Variants in TNPO1 observed in about 807,000 individuals in gnomAD.
TNPO1 encodes transportin 1.
Under a neutral mutation model 119.5 loss-of-function variants are expected in TNPO1, and 8 were observed. The ratio of observed to expected loss-of-function variants is 0.07; its 90% CI spans 0.04 to 0.12. The LOEUF is 0.12. Ranked by LOEUF, TNPO1 falls within the 10% of genes least tolerant of loss-of-function variation. TNPO1 has a pLI of 1.00. For synonymous variants in TNPO1, 362 were observed against 363.0 expected, an observed-to-expected ratio of 1.00 and a Z score of 0.03; for missense variants, 576 against 1,089.8, an observed-to-expected ratio of 0.53 and a Z score of 6.64.
intron 2 of TNPO1, among the ~76,000 whole-genome samples, chr5:72,848,808 G>T (rs1295607407): frequency 6.7e-6 from 1 of 149,298 alleles, no homozygotes; most frequent in Non-Finnish European, 1.5e-5. Flanking sequence ...GCGCGGGCCG[G>T]GCCGCCACGT....
At chr5:72,868,453 AAAAAAAC>A (rs1283487995) in intron 6 of TNPO1, among the ~76,000 whole-genome samples, 3 of 145,522 alleles carry the variant, frequency 2.1e-5, no homozygotes, top group African/African-American at 7.6e-5. Context: ...AAAAAAAAAA[AAAAAAAC>A]ACAAAATAAT....
chr5:72,855,629 T>C (rs1351289999), intron 3 of TNPO1, 145 bp from the exon 4 acceptor site: 4 of 678,630 alleles, frequency 5.9e-6, no homozygotes, highest in East Asian at 2.8e-5. Flanking sequence ...AGCTAATCTT[T>C]TGTTAATCAG....
chr5:72,853,640 TTTC>T (rs1242830628), intron 3 of TNPO1, among the ~76,000 whole-genome samples: 1 of 142,286 alleles, frequency 7.0e-6, no homozygotes, highest in Non-Finnish European at 1.5e-5. Flanking sequence ...ACACTTGATA[TTTC>T]TTCTTGTGTT....
At chr5:72,895,979 A>C (rs1280250816) in intron 18 of TNPO1, among the ~76,000 whole-genome samples, 4 of 152,166 alleles carry the variant, frequency 2.6e-5, no homozygotes, top group Non-Finnish European at 5.9e-5. Flanking sequence ...CTTATTTTGC[A>C]CATTTCCTGC....
rs371851086 is a variant in TNPO1, at chr5:72,888,515, CA to C, written c.1529+213del. Among the ~76,000 whole-genome samples the C allele has an allele frequency of 3.3e-4, 51 of 152,246 alleles. No homozygotes were observed. The East Asian group carries it at 9.3e-3, about 28-fold the overall frequency. Reference sequence around the variant, plus strand: ...GGTTTGCATATTAGCGTATTTTATACATTTTGTTTGGCCAGGAGAATTTTGT... The same window carrying C: ...GGTTTGCATATTAGCGTATTTTATACTTTTGTTTGGCCAGGAGAATTTTGT... On this transcript the variant is annotated intron_variant, in intron 13 of 24. Transcript: ENST00000337273.
intron 1 of TNPO1, among the ~76,000 whole-genome samples, chr5:72,840,434 C>A (rs1051149415): frequency 1.3e-5 from 2 of 152,090 alleles, no homozygotes; most frequent in African/African-American, 4.8e-5. Flanking sequence ...TTAATGATAA[C>A]AGGGTTGCTG....
chr5:72,841,568 T>C (rs1744916968), intron 1 of TNPO1, among the ~76,000 whole-genome samples: 1 of 151,788 alleles, frequency 6.6e-6, no homozygotes, highest in Admixed American at 6.6e-5. Flanking sequence ...CTCGAACTCA[T>C]GACCTTGTGA....
chr5:72,891,230 G>A (rs1414020462), intron 14 of TNPO1, among the ~76,000 whole-genome samples: 4 of 151,988 alleles, frequency 2.6e-5, no homozygotes, highest in Non-Finnish European at 5.9e-5. Flanking sequence ...ACTTTGGGAG[G>A]CTGAGGTGGG....
chr5:72,861,069 G>T (rs1053336741), intron 4 of TNPO1, among the ~76,000 whole-genome samples: 1 of 151,882 alleles, frequency 6.6e-6, no homozygotes, highest in African/African-American at 2.4e-5. Context: ...TGCACCACAT[G>T]CCCGGCTAGT....
At chr5:72,898,469 G>A (rs747726013) in intron 20 of TNPO1, among the ~76,000 whole-genome samples, 3 of 151,854 alleles carry the variant, frequency 2.0e-5, no homozygotes, top group Non-Finnish European at 4.4e-5. Context: ...AACACACTTG[G>A]GATTCATTAG....
intron 20 of TNPO1, among the ~76,000 whole-genome samples, chr5:72,899,298 C>G (rs1268944405): frequency 6.6e-6 from 1 of 151,964 alleles, no homozygotes; most frequent in Non-Finnish European, 1.5e-5. Context: ...GGACTGTTAC[C>G]TGAGTTATCA....
chr5:72,845,074 C>CTTTTTTTTTTTTTTTTTTTT (rs111512326), intron 1 of TNPO1, among the ~76,000 whole-genome samples: 1 of 142,540 alleles, frequency 7.0e-6, no homozygotes, highest in Non-Finnish European at 1.5e-5. Flanking sequence ...GTTGAAATGC[C>CTTTTTTTTTTTTTTTTTTTT]TTTTTTTTTT....
chr5:72,875,848 C>T (rs1747725593), intron 8 of TNPO1, 111 bp downstream of exon 8: 4 of 1,253,492 alleles, frequency 3.2e-6, no homozygotes, highest in Non-Finnish European at 4.3e-6. Context: ...TTATAATTGT[C>T]TTAAAATTAT....
At chr5:72,881,855 C>G (rs1005305863) in intron 9 of TNPO1, among the ~76,000 whole-genome samples, 2 of 152,184 alleles carry the variant, frequency 1.3e-5, no homozygotes, top group African/African-American at 4.8e-5. Context: ...AATATTCACT[C>G]TTAGCTTCTC....
intron 22 of TNPO1, among the ~76,000 whole-genome samples, chr5:72,903,452 AG>A (rs1214916122): frequency 6.6e-6 from 1 of 152,186 alleles, no homozygotes; most frequent in Non-Finnish European, 1.5e-5. Flanking sequence ...TTTATTGCAC[AG>A]GGGGTTATTT....
intron 5 of TNPO1, among the ~76,000 whole-genome samples, chr5:72,865,146 A>G (rs1340916924): frequency 6.6e-6 from 1 of 152,222 alleles, no homozygotes; most frequent in Non-Finnish European, 1.5e-5. Flanking sequence ...AATTTGTTTT[A>G]AAATTGAATA....
chr5:72,872,907 AGAAGGCACTT>A (rs1295701923), intron 7 of TNPO1, among the ~76,000 whole-genome samples, 187 bp downstream of exon 7: 2 of 152,144 alleles, frequency 1.3e-5, no homozygotes, highest in African/African-American at 4.8e-5. Flanking sequence ...TTGTTAGCTG[AGAAGGCACTT>A]TTACTAATTT....
In TNPO1 at chr5:72,893,800, C is replaced by G. The variant is rs1006153787; in HGVS notation, c.2143+97C>G. The G allele has an allele frequency of 6.5e-5, 73 of 1,129,666 alleles. No individual in the cohort carries two copies. In the African/African-American group the frequency reaches 1.0e-3, roughly 16 times the overall value. 70.0% of individuals were successfully genotyped at this position (1,129,666 alleles called of 1,614,324 possible). A position where few individuals can be genotyped will look rare whatever the true frequency, so the allele number is the denominator to read the frequency against. On this transcript the variant is annotated intron_variant, in intron 18 of 24. Coordinates refer to ENST00000337273, the MANE Select transcript of TNPO1 (RefSeq NM_002270.4). ...TATTAAACTGAAATTGCATGGAATC[C>G]CAACATTTATAAATGTACACTTTAT...
intron 1 of TNPO1, among the ~76,000 whole-genome samples, chr5:72,824,184 C>T (rs1048400499): frequency 6.6e-6 from 1 of 152,184 alleles, no homozygotes; most frequent in Non-Finnish European, 1.5e-5. Context: ...AAGGACTTTG[C>T]TTCAGGTTCT....
Sources: allele counts gnomAD v4.1 joint callset (sites outside exome capture counted in the v4.1 genomes callset), GRCh38; gene constraint gnomAD v4.1.1; transcripts MANE v1.5; gene names NCBI Gene and HGNC (gene_info 2026-07-23, HGNC 2026-07-21).